REPS2: variants seen among roughly 807,000 people sequenced by gnomAD.
REPS2 encodes the protein RALBP1 associated Eps domain containing 2.
Under a neutral mutation model 53.6 loss-of-function variants are expected in REPS2, and 23 were observed. The ratio of observed to expected loss-of-function variants is 0.43; its 90% confidence interval spans 0.31 to 0.61. The LOEUF (loss-of-function observed/expected upper bound fraction) is 0.61, where lower values mean the gene tolerates loss of function less well. Ranked by LOEUF, REPS2 falls within the 20% of genes least tolerant of loss-of-function variation. The pLI, the probability that REPS2 is intolerant of heterozygous loss-of-function variation, is 0.11. For synonymous variants in REPS2, 238 were observed against 218.6 expected (o/e 1.09, Z -0.78); for missense variants, 446 against 534.9 (o/e 0.83, Z 1.64).
chrX:17,129,717 A>G (rs1239942029), intron 14 of REPS2, among the ~76,000 whole-genome samples: 3 of 112,270 alleles, frequency 2.7e-5, no homozygotes, highest in Non-Finnish European at 3.8e-5. Context: ...AGAGAAAAGG[A>G]GGCAATAACA....
intron 1 of REPS2, among the ~76,000 whole-genome samples, chrX:17,000,537 C>A (rs971625190): frequency 8.9e-6 from 1 of 111,734 alleles, no homozygotes; most frequent in African/African-American, 3.3e-5. Flanking sequence ...TAAAGTATAG[C>A]CCAGGGAAGT....
intron 8 of REPS2, among the ~76,000 whole-genome samples, chrX:17,061,290 G>A (rs900450011): frequency 1.8e-5 from 2 of 111,641 alleles, no homozygotes; most frequent in Non-Finnish European, 3.8e-5. Context: ...AGATAGACAC[G>A]TAGGTAGGTA....
intron 13 of REPS2, among the ~76,000 whole-genome samples, chrX:17,087,558 G>A (rs370677718): frequency 2.9e-3 from 326 of 112,184 alleles, no homozygotes; most frequent in African/African-American, 0.01. Flanking sequence ...AAGGAACTTT[G>A]GTGTGGAGAA....
intron 1 of REPS2, among the ~76,000 whole-genome samples, chrX:16,966,848 A>G (rs1028183987): frequency 8.9e-6 from 1 of 112,480 alleles, no homozygotes; most frequent in African/African-American, 3.2e-5. Flanking sequence ...CTACTTTTAG[A>G]ACATTTTATG....
intron 5 of REPS2, among the ~76,000 whole-genome samples, chrX:17,046,418 C>T (rs1202085272): frequency 9.0e-6 from 1 of 111,375 alleles, no homozygotes; most frequent in East Asian, 2.8e-4. Flanking sequence ...CCTCGTGATC[C>T]ACCTGCCTCG....
chrX:17,107,212 T>C (rs923384372), intron 14 of REPS2, among the ~76,000 whole-genome samples: 1 of 112,463 alleles, frequency 8.9e-6, no homozygotes, highest in African/African-American at 3.2e-5. Context: ...CAGTACCTTT[T>C]ACTGTATGTT....
At chrX:17,070,705 A>G (rs1220972154) in intron 11 of REPS2, among the ~76,000 whole-genome samples, 1 of 112,398 alleles carries the variant, frequency 8.9e-6, no homozygotes, top group Non-Finnish European at 1.9e-5. Flanking sequence ...TATATTTTTA[A>G]TAAGTCAATC....
At chrX:17,069,779 A>G (rs1379500233) in intron 10 of REPS2, among the ~76,000 whole-genome samples, 161 bp from the exon 11 acceptor site, 1 of 111,929 alleles carries the variant, frequency 8.9e-6, no homozygotes, top group Non-Finnish European at 1.9e-5. Context: ...TGTTTTAGTA[A>G]ATGCTATAGC....
At chrX:17,173,713 G>A in the REPS2 span, among the ~76,000 whole-genome samples, 1 of 111,650 alleles carries the variant, frequency 9.0e-6, no homozygotes, top group South Asian at 3.7e-4. Flanking sequence ...CCTTATATTT[G>A]AACCTTAGTG....
chrX:16,955,647 A>G (rs1002987068), intron 1 of REPS2, among the ~76,000 whole-genome samples: 7 of 111,971 alleles, frequency 6.3e-5, no homozygotes, highest in African/African-American at 2.3e-4. Context: ...GCAATTCACA[A>G]CATGGCTCTT....
intron 14 of REPS2, among the ~76,000 whole-genome samples, chrX:17,129,552 A>G (rs772051403): frequency 8.9e-6 from 1 of 112,105 alleles, no homozygotes; most frequent in African/African-American, 3.2e-5. Context: ...ACATAACACC[A>G]TGCAGTGGTC....
chrX:17,090,746 G>T (rs747234221), intron 13 of REPS2, among the ~76,000 whole-genome samples: 2 of 112,337 alleles, frequency 1.8e-5, no homozygotes, highest in South Asian at 7.2e-4. Context: ...TTTTGACAAA[G>T]TGTAATGTTA....
chrX:17,100,327 G>A (rs1274916422), intron 13 of REPS2: 30 of 523,409 alleles, frequency 5.7e-5, no homozygotes, highest in Non-Finnish European at 5.2e-5. Flanking sequence ...TAGCGTGTGT[G>A]TAAAGGGTGA....
At chrX:17,009,698 G>A (rs925193015) in intron 2 of REPS2, among the ~76,000 whole-genome samples, 1 of 111,509 alleles carries the variant, frequency 9.0e-6, no homozygotes, top group African/African-American at 3.3e-5. Context: ...TTATAGGAAT[G>A]AGCCACCATA....
At chrX:17,048,091 G>A (rs1333537921) in intron 6 of REPS2, among the ~76,000 whole-genome samples, 1 of 112,430 alleles carries the variant, frequency 8.9e-6, no homozygotes, top group Non-Finnish European at 1.9e-5. Flanking sequence ...ATTTTACCAG[G>A]CTGAAAGACT....
At chrX:16,999,234 G>C (rs1395898128) in intron 1 of REPS2, among the ~76,000 whole-genome samples, 1 of 111,726 alleles carries the variant, frequency 9.0e-6, no homozygotes, top group Non-Finnish European at 1.9e-5. Flanking sequence ...GTGTCATTTT[G>C]CTAATGTAAA....
chrX:17,034,062 G>A (rs902359092), intron 5 of REPS2, among the ~76,000 whole-genome samples: 2 of 111,560 alleles, frequency 1.8e-5, no homozygotes, highest in South Asian at 3.8e-4. Context: ...TTGTATATGC[G>A]ATGTTTCCTT....
chrX:17,161,258 A>G, the REPS2 span, among the ~76,000 whole-genome samples: 1 of 111,982 alleles, frequency 8.9e-6, no homozygotes, highest in South Asian at 3.7e-4. Context: ...AGTATGTTAC[A>G]TGGCAAAGGG....
intron 13 of REPS2, among the ~76,000 whole-genome samples, chrX:17,100,742 G>A (rs1217169709): frequency 1.8e-5 from 2 of 111,785 alleles, no homozygotes; most frequent in Non-Finnish European, 3.8e-5. Flanking sequence ...AATAAAAAAC[G>A]TGGCAAAGGT....
Sources: allele counts gnomAD v4.1 joint callset (sites outside exome capture counted in the v4.1 genomes callset), GRCh38; gene constraint gnomAD v4.1.1; transcripts MANE v1.5; gene names NCBI Gene and HGNC (gene_info 2026-07-23, HGNC 2026-07-21).